TRABD2B: variants seen among roughly 807,000 people sequenced by gnomAD.
TRABD2B encodes metalloprotease TIKI2.
Under a neutral mutation model 40.1 loss-of-function variants are expected in TRABD2B, and 14 were observed. That is an observed-to-expected ratio of 0.35 (90% CI 0.23 to 0.55). The LOEUF is 0.55. Among genes scored for constraint, TRABD2B ranks in the 20% least tolerant of loss-of-function variants. The probability of loss-of-function intolerance (pLI) is 0.90; values close to 1 mark genes in which losing one functional copy is unlikely to be tolerated. For synonymous variants in TRABD2B, 263 were observed against 277.0 expected, an observed-to-expected ratio of 0.95 and a Z score of 0.50; for missense variants, 541 against 648.6, an observed-to-expected ratio of 0.83 and a Z score of 1.80.
chr1:47,856,874 T>C (rs1353677555), intron 2 of TRABD2B, among the ~76,000 whole-genome samples: 2 of 152,202 alleles, frequency 1.3e-5, no homozygotes, highest in Non-Finnish European at 2.9e-5. Flanking sequence ...AGTGGTAAGA[T>C]GTGAGCCTGG....
chr1:47,839,839 G>A (rs1415445032), intron 2 of TRABD2B, among the ~76,000 whole-genome samples: 3 of 152,198 alleles, frequency 2.0e-5, no homozygotes, highest in African/African-American at 4.8e-5. Flanking sequence ...CAGTAAAGCA[G>A]AACCCCTGGC....
intron 2 of TRABD2B, among the ~76,000 whole-genome samples, chr1:47,870,540 C>A (rs142362574): frequency 6.6e-6 from 1 of 152,176 alleles, no homozygotes; most frequent in African/African-American, 2.4e-5. Context: ...TGTCACCATG[C>A]ATCAGGATTA....
chr1:47,902,677 C>T (rs1176206841), intron 2 of TRABD2B, among the ~76,000 whole-genome samples: 1 of 145,138 alleles, frequency 6.9e-6, no homozygotes, highest in Non-Finnish European at 1.5e-5. Context: ...TTTATAGAGT[C>T]GGGGTCTTAC....
intron 2 of TRABD2B, among the ~76,000 whole-genome samples, chr1:47,990,770 TTTATATA>T: frequency 2.9e-5 from 1 of 35,048 alleles, no homozygotes; most frequent in South Asian, 9.3e-4. Context: ...AAACGTTGGT[TTTATATA>T]TATATATATA....
chr1:47,892,130 C>A (rs182106430), intron 2 of TRABD2B, among the ~76,000 whole-genome samples: 7 of 152,298 alleles, frequency 4.6e-5, no homozygotes, highest in Non-Finnish European at 7.3e-5. Flanking sequence ...GCTTATTACA[C>A]GCAATTGTGG....
intron 2 of TRABD2B, among the ~76,000 whole-genome samples, chr1:47,887,666 T>C (rs1257270542): frequency 6.6e-6 from 1 of 152,184 alleles, no homozygotes; most frequent in Non-Finnish European, 1.5e-5. Context: ...GGGCACCAAG[T>C]GCAAACAGTG....
intron 2 of TRABD2B, among the ~76,000 whole-genome samples, chr1:47,980,225 C>CATA (rs1645821943): frequency 6.6e-6 from 1 of 152,160 alleles, no homozygotes; most frequent in African/African-American, 2.4e-5. Context: ...CACCCACCCC[C>CATA]ATAACATGGT....
intron 2 of TRABD2B, among the ~76,000 whole-genome samples, chr1:47,846,909 G>A (rs1006747432): frequency 9.9e-6 from 1 of 100,850 alleles, no homozygotes; most frequent in Non-Finnish European, 2.3e-5. Context: ...TGAGGGCTGG[G>A]TGCCCTCTGA....
intron 2 of TRABD2B, among the ~76,000 whole-genome samples, chr1:47,965,901 T>C (rs1040421163): frequency 4.6e-5 from 7 of 152,154 alleles, no homozygotes; most frequent in African/African-American, 1.4e-4. Context: ...CCCATCTCTA[T>C]TCCCCCTCTA....
chr1:47,864,729 G>A (rs1328737884), intron 2 of TRABD2B, among the ~76,000 whole-genome samples: 1 of 152,062 alleles, frequency 6.6e-6, no homozygotes, highest in Non-Finnish European at 1.5e-5. Context: ...CATGCTGAGG[G>A]GCCTAGGTGG....
intron 2 of TRABD2B, among the ~76,000 whole-genome samples, chr1:47,953,591 G>T (rs116631745): frequency 1.3e-5 from 2 of 152,130 alleles, no homozygotes; most frequent in South Asian, 4.1e-4. Flanking sequence ...CAGGCAACCT[G>T]TAACTTACCA....
intron 4 of TRABD2B, among the ~76,000 whole-genome samples, chr1:47,792,878 A>G (rs1315130307): frequency 6.6e-6 from 1 of 152,078 alleles, no homozygotes; most frequent in African/African-American, 2.4e-5. Context: ...TGGATGACTC[A>G]GGGTGGTTCC....
intron 6 of TRABD2B, among the ~76,000 whole-genome samples, chr1:47,769,805 T>C (rs1644355112): frequency 2.0e-5 from 3 of 152,214 alleles, no homozygotes; most frequent in Admixed American, 2.0e-4. Context: ...CTCTAGCCTG[T>C]AGTGCGTTCC....
At chr1:47,913,002 G>A (rs1000837589) in intron 2 of TRABD2B, among the ~76,000 whole-genome samples, 3 of 152,218 alleles carry the variant, frequency 2.0e-5, no homozygotes, top group African/African-American at 7.2e-5. Context: ...GTTACTGACT[G>A]ATTTCAAGTG....
chr1:47,904,543 G>T (rs1485426815), intron 2 of TRABD2B, among the ~76,000 whole-genome samples: 1 of 152,164 alleles, frequency 6.6e-6, no homozygotes, highest in African/African-American at 2.4e-5. Context: ...CTAAAGCAGG[G>T]ATTCACAGGA....
intron 2 of TRABD2B, among the ~76,000 whole-genome samples, chr1:47,886,480 C>T (rs968194891): frequency 2.6e-5 from 4 of 152,138 alleles, no homozygotes; most frequent in African/African-American, 9.7e-5. Context: ...AATTTATAGT[C>T]TCTGGGCTTT....
intron 3 of TRABD2B, among the ~76,000 whole-genome samples, chr1:47,799,391 G>A (rs1644789246): frequency 6.6e-6 from 1 of 152,182 alleles, no homozygotes; most frequent in Non-Finnish European, 1.5e-5. Flanking sequence ...CGTGGTGTCA[G>A]GGTGCTTCTC....
intron 2 of TRABD2B, among the ~76,000 whole-genome samples, chr1:47,842,386 G>A (rs1645411018): frequency 6.6e-6 from 1 of 152,110 alleles, no homozygotes; most frequent in African/African-American, 2.4e-5. Context: ...GACTCCATCT[G>A]TCCCCAGGCT....
intron 3 of TRABD2B, chr1:47,795,649 G>A: frequency 1.0e-6 from 1 of 985,056 alleles, no homozygotes; most frequent in South Asian, 4.7e-5. Context: ...GAGGATGGGG[G>A]CTGTCATGGG....
Sources: allele counts gnomAD v4.1 joint callset (sites outside exome capture counted in the v4.1 genomes callset), GRCh38; gene constraint gnomAD v4.1.1; transcripts MANE v1.5; gene names NCBI Gene and HGNC (gene_info 2026-07-23, HGNC 2026-07-21).